The following HCN1 variants were observed in gnomAD, a reference collection of about 807,000 sequenced individuals.
HCN1 encodes hyperpolarization activated cyclic nucleotide gated potassium channel 1, also known as potassium/sodium hyperpolarization-activated cyclic nucleotide-gated channel 1.
In HCN1, 13 loss-of-function variants were observed where a neutral mutation model predicts 78.9. The observed-to-expected ratio is 0.16, with a 90% CI of 0.11 to 0.26. The LOEUF (loss-of-function observed/expected upper bound fraction) is 0.26. HCN1 is among the 10% of genes least tolerant of loss of function. The pLI is 1.00. For missense variants in HCN1, 810 were observed against 1,154.3 expected (o/e 0.70, Z 4.32); for synonymous variants, 552 against 455.5 (o/e 1.21, Z -2.70).
chr5:45,346,193 AT>A, intron 5 of HCN1, among the ~76,000 whole-genome samples: 1 of 152,346 alleles, frequency 6.6e-6, no homozygotes, highest in Non-Finnish European at 1.5e-5. Flanking sequence ...GGTCCCTCCC[AT>A]GATATGTGGG....
rs1485135826 is a variant in HCN1, at chr5:45,262,173, A to G, written c.2421T>C (p.Thr807=). ...VSTLISRPHP[T]VGESLASIPQ... is the part of the protein sequence containing the mutation. ...GGATGGAGGCCAGGGACTCGCCCAC[A>G]GTGGGATGAGGTCTGGAAATCAGAG... The change falls in exon 8 of 8, where the codon ACT becomes ACC. Residue 807 remains threonine, a synonymous_variant. Coordinates refer to ENST00000303230, the MANE Select transcript of HCN1 (RefSeq NM_021072.4). The G allele has an allele frequency of 3.1e-6, 5 of 1,613,872 alleles. No individual in the cohort carries two copies. The highest frequency in any genetic ancestry group is 2.7e-5 in the African/African-American group (2 of 74,938).
chr5:45,621,329 T>G (rs960456898), intron 2 of HCN1, among the ~76,000 whole-genome samples: 11 of 152,140 alleles, frequency 7.2e-5, no homozygotes, highest in Admixed American at 1.3e-4. Context: ...TTTCTTTTTT[T>G]TTTCCTCCAG....
At chr5:45,335,593 C>G (rs1746436620) in intron 5 of HCN1, among the ~76,000 whole-genome samples, 1 of 152,040 alleles carries the variant, frequency 6.6e-6, no homozygotes, top group African/African-American at 2.4e-5. Context: ...ACCCTTTCAG[C>G]ACTTGCAAAT....
chr5:45,372,382 T>A (rs1234689610), intron 4 of HCN1, among the ~76,000 whole-genome samples: 38 of 114,102 alleles, frequency 3.3e-4, no homozygotes, highest in Non-Finnish European at 4.9e-5. Context: ...ATATATTATA[T>A]AAATATGTAA....
intron 7 of HCN1, among the ~76,000 whole-genome samples, chr5:45,263,596 CCAGTGTCTTACA>C (rs985404380): frequency 6.6e-6 from 1 of 152,006 alleles, no homozygotes; most frequent in African/African-American, 2.4e-5. Flanking sequence ...TGCTTTTGAC[CCAGTGTCTTACA>C]CCAGTCATTC....
Position 45,341,259 on chromosome 5 carries a change from C to T in HCN1, c.1377+11841G>A, listed in dbSNP as rs77274868. 4.0e-3 allele frequency among the ~76,000 whole-genome samples: 611 copies of T among 152,268 alleles called. 3 individuals are homozygous for T. Among genetic ancestry groups the T allele is most frequent in the Non-Finnish European group, 6.2e-3 (424 of 68,026 alleles). On this transcript the variant is annotated intron_variant, in intron 5 of 7. Transcript: ENST00000303230. ...ATCAATTTGCAAGGAAAAAATTCAA[C>T]CTGTTTTTGCCTTATTTGAAGGAGA... is the stretch of plus-strand genomic sequence containing the variant.
At chr5:45,617,590 T>C (rs1454025844) in intron 2 of HCN1, among the ~76,000 whole-genome samples, 1 of 152,058 alleles carries the variant, frequency 6.6e-6, no homozygotes. Flanking sequence ...TTAGGTAGAG[T>C]GAACAAAATG....
intron 2 of HCN1, among the ~76,000 whole-genome samples, chr5:45,631,692 CTTTGTATTAT>C (rs1048879488): frequency 6.6e-6 from 1 of 152,102 alleles, no homozygotes; most frequent in African/African-American, 2.4e-5. Context: ...TCTATGAAAT[CTTTGTATTAT>C]TTTGTAGGCT....
At chr5:45,384,339 C>T (rs1043231060) in intron 4 of HCN1, among the ~76,000 whole-genome samples, 13 of 152,036 alleles carry the variant, frequency 8.6e-5, no homozygotes, top group Non-Finnish European at 1.3e-4. Flanking sequence ...CACAGAAAAT[C>T]TTTGGAATAA....
At chr5:45,405,457 G>T (rs1739901556) in intron 3 of HCN1, among the ~76,000 whole-genome samples, 1 of 152,068 alleles carries the variant, frequency 6.6e-6, no homozygotes, top group African/African-American at 2.4e-5. Context: ...TCCCTAGGCT[G>T]GAGTACATTG....
intron 6 of HCN1, among the ~76,000 whole-genome samples, chr5:45,279,369 T>G (rs1745118610): frequency 6.6e-6 from 1 of 152,134 alleles, no homozygotes; most frequent in African/African-American, 2.4e-5. Context: ...TACATCCTGT[T>G]GAAACCGTGT....
At chr5:45,539,803 C>T (rs927528035) in intron 2 of HCN1, among the ~76,000 whole-genome samples, 1 of 147,186 alleles carries the variant, frequency 6.8e-6, no homozygotes, top group Middle Eastern at 3.6e-3. Flanking sequence ...TTTTCATACA[C>T]ACATATGCAC....
intron 1 of HCN1, among the ~76,000 whole-genome samples, chr5:45,674,101 T>C (rs1255789240): frequency 2.0e-5 from 3 of 151,408 alleles, no homozygotes; most frequent in Non-Finnish European, 4.4e-5. Context: ...AAAGTTAATA[T>C]TAAAATGCTA....
intron 4 of HCN1, among the ~76,000 whole-genome samples, chr5:45,359,540 C>A (rs1747071678): frequency 6.6e-6 from 1 of 151,720 alleles, no homozygotes; most frequent in Non-Finnish European, 1.5e-5. Flanking sequence ...ACATCAACTA[C>A]TATTTTTGTG....
intron 1 of HCN1, among the ~76,000 whole-genome samples, chr5:45,653,953 G>C (rs1177092489): frequency 6.6e-6 from 1 of 151,958 alleles, no homozygotes; most frequent in Non-Finnish European, 1.5e-5. Flanking sequence ...ATAATCATTT[G>C]TTCTTTTGGA....
At chr5:45,605,730 C>G (rs1744712797) in intron 2 of HCN1, among the ~76,000 whole-genome samples, 1 of 151,840 alleles carries the variant, frequency 6.6e-6, no homozygotes, top group South Asian at 2.1e-4. Flanking sequence ...TGAATGAGGA[C>G]TTTCATTTTT....
chr5:45,613,161 C>A (rs967148986), intron 2 of HCN1, among the ~76,000 whole-genome samples: 3 of 125,604 alleles, frequency 2.4e-5, no homozygotes, highest in African/African-American at 8.9e-5. Flanking sequence ...CCCCTCCCCC[C>A]ACCCCACAAC....
rs559665511 is a variant in HCN1 at position 45,685,815 on chromosome 5, G to T, written c.425+9854C>A. On this transcript the variant is annotated intron_variant, in intron 1 of 7. Transcript: ENST00000303230. ...TTGCACATCAGGGCTTCTGCTGCCAGGGATTGCATGAAGGTAAAAAGGAAA... is the reference window on the plus strand; with the variant it reads ...TTGCACATCAGGGCTTCTGCTGCCATGGATTGCATGAAGGTAAAAAGGAAA... Among the ~76,000 whole-genome samples, 47 of 152,292 alleles carry T rather than the reference G, an allele frequency of 3.1e-4. No homozygotes were observed. The South Asian group carries it at 9.1e-3, about 30-fold the overall frequency.
chr5:45,658,117 G>A (rs1322001182), intron 1 of HCN1, among the ~76,000 whole-genome samples: 1 of 152,140 alleles, frequency 6.6e-6, no homozygotes, highest in Admixed American at 6.5e-5. Flanking sequence ...TGACAAACCT[G>A]AGAAAAACAA....
Sources: allele counts gnomAD v4.1 joint callset (sites outside exome capture counted in the v4.1 genomes callset), GRCh38; gene constraint gnomAD v4.1.1; transcripts MANE v1.5; gene names NCBI Gene and HGNC (gene_info 2026-07-23, HGNC 2026-07-21).